The following KCNIP3 variants were observed in gnomAD, a reference collection of about 807,000 sequenced individuals.
KCNIP3 encodes the protein calsenilin.
A neutral mutation model predicts 35.0 loss-of-function variants in KCNIP3; 28 were observed. The ratio of observed to expected loss-of-function variants is 0.80; its 90% CI spans 0.59 to 1.10. KCNIP3 has a LOEUF of 1.10. KCNIP3 is among the 50% of genes least tolerant of loss of function. KCNIP3 has a pLI of 0.00. For synonymous variants in KCNIP3, 134 were observed against 133.8 expected, an observed-to-expected ratio of 1.00 and a Z score of -0.01; for missense variants, 295 against 338.4, an observed-to-expected ratio of 0.87 and a Z score of 1.01.
rs1318363068 is a variant in KCNIP3, at chr2:95,377,089, C to G, written c.447+1881C>G. ...GGAGTGGCTCCTGCTCCCATCCCCACGGACCTTCTGGGATTTGCCAGCAGC... is the reference window on the plus strand; with the variant it reads ...GGAGTGGCTCCTGCTCCCATCCCCAGGGACCTTCTGGGATTTGCCAGCAGC... On this transcript the variant is annotated intron_variant, in intron 5 of 8. Transcript: ENST00000295225. The surrounding 1 kb of genome is among the most constrained non-coding windows in gnomAD (Gnocchi z 4.7). 6.6e-6 allele frequency among the ~76,000 whole-genome samples: 1 copy of G among 152,218 alleles called. No individual in the cohort carries two copies. Among genetic ancestry groups the G allele is most frequent in the African/African-American group, 2.4e-5 (1 of 41,468 alleles).
intron 2 of KCNIP3, among the ~76,000 whole-genome samples, chr2:95,364,305 C>G (rs1679866999): frequency 6.6e-6 from 1 of 151,956 alleles, no homozygotes; most frequent in Non-Finnish European, 1.5e-5. Flanking sequence ...GTGATTTTTC[C>G]TCTTTATGTT....
rs777327888 is a variant in KCNIP3 at position 95,376,954 on chromosome 2, G to A, written c.447+1746G>A. Reference sequence around the variant, plus strand: ...GTTACAGTTTACTGATATGGTAAAAGGTAATACCCTCCCTCCGCTCACCAA... The same window carrying A: ...GTTACAGTTTACTGATATGGTAAAAAGTAATACCCTCCCTCCGCTCACCAA... On this transcript the variant is annotated intron_variant, in intron 5 of 8. Transcript: ENST00000295225. This position sits in a 1 kb window ranked among gnomAD's most constrained non-coding sequence, Gnocchi z 4.2. Among the ~76,000 whole-genome samples the A allele has an allele frequency of 5.3e-5, 8 of 152,180 alleles. No individual in the cohort carries two copies. The highest frequency in any genetic ancestry group is 7.3e-5 in the Non-Finnish European group (5 of 68,030).
chr2:95,350,711 T>TG (rs1008141262), intron 2 of KCNIP3, among the ~76,000 whole-genome samples: 17 of 152,112 alleles, frequency 1.1e-4, no homozygotes, highest in East Asian at 3.9e-4. Flanking sequence ...GCAGTGGAGG[T>TG]GGGGGGCCAG....
chr2:95,326,445 C>T (rs1573492755), intron 2 of KCNIP3, among the ~76,000 whole-genome samples: 2 of 152,326 alleles, frequency 1.3e-5, no homozygotes, highest in Non-Finnish European at 1.5e-5. Context: ...AACAGCATCA[C>T]GCCAGGCTCT....
At position 95,378,852 on chromosome 2, in the gene KCNIP3, A is replaced by G. The variant is rs1680268075; in HGVS notation, c.448-2744A>G. Among the ~76,000 whole-genome samples the G allele has an allele frequency of 6.7e-6, 1 of 149,982 alleles. No individual in the cohort carries two copies. Among genetic ancestry groups the G allele is most frequent in the East Asian group, 2.0e-4 (1 of 5,116 alleles). ...TACACACATATTTATATACACATAT[A>G]TATACACATATATACACACACACAC... On this transcript the variant is annotated intron_variant, in intron 5 of 8. Transcript: ENST00000295225. This position sits in a 1 kb window ranked among gnomAD's most constrained non-coding sequence, Gnocchi z 4.0.
At chr2:95,344,652 A>T (rs1679302955) in intron 2 of KCNIP3, among the ~76,000 whole-genome samples, 1 of 152,162 alleles carries the variant, frequency 6.6e-6, no homozygotes, top group Admixed American at 6.5e-5. Flanking sequence ...GACCCCCAAG[A>T]TGGCCTCCTT....
chr2:95,310,742 G>A (rs766126942), intron 2 of KCNIP3: 1 of 572,868 alleles, frequency 1.7e-6, no homozygotes. Context: ...CAGAGCATGG[G>A]TACAGAGAGC....
At chr2:95,302,925 G>A (rs1678075052) in intron 1 of KCNIP3, 3 of 152,808 alleles carry the variant, frequency 2.0e-5, no homozygotes, top group Non-Finnish European at 4.4e-5. Flanking sequence ...ACATCTGGGA[G>A]GAGTCAGCGA....
intron 2 of KCNIP3, among the ~76,000 whole-genome samples, chr2:95,326,309 T>C (rs7572537): frequency 9.9e-5 from 15 of 151,744 alleles, no homozygotes; most frequent in East Asian, 1.9e-4. Context: ...CACATACACA[T>C]ACACACACAC....
intron 2 of KCNIP3, among the ~76,000 whole-genome samples, chr2:95,353,167 A>G (rs2104275671): frequency 6.6e-6 from 1 of 152,356 alleles, no homozygotes; most frequent in East Asian, 1.9e-4. Context: ...ATTGAGCCCT[A>G]TGCACAAAGT....
At chr2:95,367,752 CTT>C (rs1047212899) in intron 2 of KCNIP3, among the ~76,000 whole-genome samples, 16 of 149,518 alleles carry the variant, frequency 1.1e-4, no homozygotes, top group African/African-American at 2.7e-4. Flanking sequence ...AAAAAAGTGA[CTT>C]AACATTTTTT....
intron 1 of KCNIP3, chr2:95,299,155 C>T (rs1677954757): frequency 6.6e-6 from 1 of 152,340 alleles, no homozygotes; most frequent in African/African-American, 2.4e-5. Flanking sequence ...GCGCTCTACC[C>T]TCCCACAACC....
chr2:95,362,397 C>T (rs1430047626), intron 2 of KCNIP3, among the ~76,000 whole-genome samples: 1 of 152,148 alleles, frequency 6.6e-6, no homozygotes, highest in East Asian at 1.9e-4. Context: ...TGAGCCACCA[C>T]ACCCGGCCTC....
In KCNIP3 at chr2:95,382,353, G is replaced by A. The variant is rs1373769815; in HGVS notation, c.556-24G>A. ...CACAGCCACCCCGGCCTTGCAGCAGGCTCATGCCAGCCTCCCCCTCCAGGA... is the reference window on the plus strand; with the variant it reads ...CACAGCCACCCCGGCCTTGCAGCAGACTCATGCCAGCCTCCCCCTCCAGGA... On this transcript the variant is annotated intron_variant, in intron 6 of 8. Transcript: ENST00000295225. The surrounding 1 kb of genome is among the most constrained non-coding windows in gnomAD (Gnocchi z 4.5). 5 of 1,526,250 alleles carry A rather than the reference G, an allele frequency of 3.3e-6. No homozygotes were observed. The highest frequency in any genetic ancestry group is 3.5e-6 in the Non-Finnish European group (4 of 1,127,872). The allele number at this position is 1,526,250 out of a possible 1,614,324, so 94.5% of individuals were successfully genotyped here.
chr2:95,298,349 T>G (rs992836652), intron 1 of KCNIP3, among the ~76,000 whole-genome samples: 1 of 152,010 alleles, frequency 6.6e-6, no homozygotes, highest in African/African-American at 2.4e-5. Context: ...GGCCGCCTGA[T>G]CAGCAGCATT....
intron 1 of KCNIP3, among the ~76,000 whole-genome samples, chr2:95,308,793 C>T (rs2104207587): frequency 6.6e-6 from 1 of 152,360 alleles, no homozygotes; most frequent in East Asian, 1.9e-4. Flanking sequence ...TCAAATCAAC[C>T]TGGGTCAGTC....
intron 4 of KCNIP3, 46 bp from the exon 5 acceptor site, chr2:95,375,092 G>A (rs770719045): frequency 1.0e-5 from 16 of 1,589,668 alleles, no homozygotes; most frequent in South Asian, 7.7e-5. Context: ...GAGATGAGCC[G>A]CCAGGCAGCC....
At chr2:95,359,916 G>A (rs1175010182) in intron 2 of KCNIP3, among the ~76,000 whole-genome samples, 1 of 152,244 alleles carries the variant, frequency 6.6e-6, no homozygotes, top group Non-Finnish European at 1.5e-5. Flanking sequence ...GTCCTTGGAG[G>A]GGGCCCTTGG....
chr2:95,337,721 G>A (rs532976530), intron 2 of KCNIP3, among the ~76,000 whole-genome samples: 1 of 152,286 alleles, frequency 6.6e-6, no homozygotes, highest in East Asian at 1.9e-4. Context: ...AAGGTCTGTT[G>A]GCTTTATTAC....
Sources: allele counts gnomAD v4.1 joint callset (sites outside exome capture counted in the v4.1 genomes callset), GRCh38; gene constraint gnomAD v4.1.1; non-coding constraint Gnocchi (gnomAD v3.1); transcripts MANE v1.5; gene names NCBI Gene and HGNC (gene_info 2026-07-23, HGNC 2026-07-21).